Variants in NBAS observed in about 807,000 individuals in gnomAD.
NBAS encodes the protein NBAS subunit of NRZ tethering complex.
Under a neutral mutation model 302.5 loss-of-function variants are expected in NBAS, and 219 were observed. That is an observed-to-expected ratio of 0.72 (90% CI 0.65 to 0.81). The LOEUF is 0.81. Ranked by LOEUF, NBAS falls within the 30% of genes least tolerant of loss-of-function variation. The pLI is 0.00. For missense variants in NBAS, 2,932 were observed against 2,841.6 expected (o/e 1.03, Z -0.72); for synonymous variants, 1,118 against 1,021.6 (o/e 1.09, Z -1.80).
At chr2:15,254,157 T>C (rs983164773) in intron 44 of NBAS, among the ~76,000 whole-genome samples, 8 of 152,126 alleles carry the variant, frequency 5.3e-5, no homozygotes, top group African/African-American at 1.9e-4. Context: ...GTGTTTTGCA[T>C]GTCTGAGATC....
At chr2:15,238,308 C>G (rs1391850788) in intron 45 of NBAS, among the ~76,000 whole-genome samples, 160 bp downstream of exon 45, 1 of 152,140 alleles carries the variant, frequency 6.6e-6, no homozygotes, top group East Asian at 1.9e-4. Context: ...AATTGTCAAT[C>G]AAGTGATCAT....
intron 44 of NBAS, among the ~76,000 whole-genome samples, chr2:15,251,896 A>C (rs534933982): frequency 2.0e-5 from 3 of 152,208 alleles, no homozygotes; most frequent in Admixed American, 2.0e-4. Flanking sequence ...GCCTTATTTC[A>C]CCCAGCTCCT....
chr2:15,367,125 C>T (rs1026494303), intron 31 of NBAS, among the ~76,000 whole-genome samples: 6 of 152,034 alleles, frequency 3.9e-5, no homozygotes, highest in African/African-American at 1.2e-4. Flanking sequence ...CACTCATTAC[C>T]CCAGTTTGGA....
chr2:15,329,269 C>T (rs753553772), intron 36 of NBAS, among the ~76,000 whole-genome samples: 9 of 152,138 alleles, frequency 5.9e-5, no homozygotes, highest in Admixed American at 2.0e-4. Context: ...GATTTAATAG[C>T]GTCTCACTAA....
chr2:15,186,851 G>A lies in NBAS; in HGVS notation c.6602C>T (p.Ala2201Val). 6.2e-7 allele frequency: 1 copy of A among 1,613,876 alleles called. No homozygotes were observed. Among genetic ancestry groups the A allele is most frequent in the Non-Finnish European group, 8.5e-7 (1 of 1,179,924 alleles). Residue 2201 changes from alanine to valine, a missense_variant, in exon 50 of 52, where the codon GCT (alanine) becomes GTT (valine). Physicochemically the swap from Ala to Val is moderately conservative, Grantham distance 64. Coordinates refer to ENST00000281513, the MANE Select transcript of NBAS (RefSeq NM_015909.4). ...CGTACATCTGGTTAGCATCACTGTA[G>A]CTAGTCTCACCCATGGATTATTGGT... ...VITNNPWVRL[A>V]TVMLTRCTME... is the part of the protein sequence containing the mutation.
chr2:15,430,462 C>G lies in NBAS; in HGVS notation c.2340-2668G>C, dbSNP rs1220814162. Reference sequence around the variant, plus strand: ...TCAGTGACAACAATAATCTTTAGCACTGACTGATCTCCTACTATGGACTAG... The same window carrying G: ...TCAGTGACAACAATAATCTTTAGCAGTGACTGATCTCCTACTATGGACTAG... On this transcript the variant is annotated intron_variant, in intron 21 of 51. Transcript: ENST00000281513. Among the ~76,000 whole-genome samples the G allele has an allele frequency of 2.6e-5, 4 of 152,144 alleles. No homozygotes were observed. The East Asian group carries it at 7.7e-4, about 29-fold the overall frequency.
At chr2:15,238,714 G>T in intron 44 of NBAS, 28 bp from the exon 45 acceptor site, 2 of 1,588,412 alleles carry the variant, frequency 1.3e-6, no homozygotes, top group East Asian at 2.2e-5. Flanking sequence ...TGAGACCAAA[G>T]AACCCTGCAT....
the NBAS span, among the ~76,000 whole-genome samples, chr2:15,147,320 G>A: frequency 2.6e-5 from 4 of 152,114 alleles, no homozygotes; most frequent in South Asian, 6.2e-4. Flanking sequence ...TGGGCTGGGC[G>A]TGGTGGCTCA....
At chr2:14,926,326 G>A in the NBAS span, among the ~76,000 whole-genome samples, 203 of 152,210 alleles carry the variant, frequency 1.3e-3, 1 homozygote, top group African/African-American at 4.7e-3. Context: ...CCCTAGAGCA[G>A]TACTTTGCAA....
chr2:14,967,455 A>G, the NBAS span, among the ~76,000 whole-genome samples: 1 of 152,234 alleles, frequency 6.6e-6, no homozygotes, highest in African/African-American at 2.4e-5. Flanking sequence ...ATAGATAAAG[A>G]AAACAGCATA....
intron 21 of NBAS, among the ~76,000 whole-genome samples, chr2:15,449,473 T>A (rs922731039): frequency 1.3e-5 from 2 of 152,094 alleles, no homozygotes; most frequent in African/African-American, 4.8e-5. Context: ...TCTTTAGGAC[T>A]CCCCAGAGTA....
intron 48 of NBAS, among the ~76,000 whole-genome samples, chr2:15,191,186 G>A (rs894413131): frequency 6.6e-6 from 1 of 152,144 alleles, no homozygotes; most frequent in Admixed American, 6.5e-5. Context: ...TCATGATGAT[G>A]AGTTCATAAT....
the NBAS span, among the ~76,000 whole-genome samples, chr2:14,786,628 G>A: frequency 5.3e-5 from 8 of 152,078 alleles, no homozygotes; most frequent in Admixed American, 2.0e-4. Flanking sequence ...GTAGTTGAGC[G>A]GTTTTGAGTG....
chr2:15,277,106 A>C lies in NBAS; in HGVS notation c.5139-5T>G, dbSNP rs1057523077. 1 of 1,613,492 alleles carries C rather than the reference A, an allele frequency of 6.2e-7. No individual in the cohort carries two copies. The highest frequency in any genetic ancestry group is 1.7e-5 in the Admixed American group (1 of 59,940). On this transcript the variant is annotated splice_polypyrimidine_tract_variant and splice_region_variant and intron_variant, in intron 42 of 51. Transcript: ENST00000281513. ...TCAATTTCTAGTGTGGACAAACTGA[A>C]ATTAAGAGCCAAAGGAACTGTGTTA...
the NBAS span, among the ~76,000 whole-genome samples, chr2:15,139,157 C>A: frequency 2.0e-4 from 31 of 152,310 alleles, no homozygotes; most frequent in East Asian, 3.9e-4. Flanking sequence ...CTGACAATGA[C>A]CCCAAGTGTG....
At chr2:15,133,076 T>C in the NBAS span, among the ~76,000 whole-genome samples, 2 of 152,226 alleles carry the variant, frequency 1.3e-5, no homozygotes, top group South Asian at 4.1e-4. Context: ...AAAATTGAGA[T>C]CTATTTAAAT....
intron 21 of NBAS, among the ~76,000 whole-genome samples, chr2:15,452,712 A>C (rs952724143): frequency 4.6e-5 from 7 of 152,196 alleles, no homozygotes; most frequent in Non-Finnish European, 8.8e-5. Flanking sequence ...ATTCGCTCTG[A>C]ATAGGATTGT....
At chr2:15,052,019 G>A in the NBAS span, among the ~76,000 whole-genome samples, 1 of 152,188 alleles carries the variant, frequency 6.6e-6, no homozygotes, top group South Asian at 2.1e-4. Flanking sequence ...ACTTATTATA[G>A]TGACAATGGA....
intron 47 of NBAS, among the ~76,000 whole-genome samples, chr2:15,225,535 C>T (rs73194962): frequency 0.023 from 3,484 of 152,200 alleles, 109 homozygotes; most frequent in African/African-American, 0.076. Flanking sequence ...CTCCTTTTCA[C>T]TTTAAAAACA....
Sources: allele counts gnomAD v4.1 joint callset (sites outside exome capture counted in the v4.1 genomes callset), GRCh38; gene constraint gnomAD v4.1.1; transcripts MANE v1.5; gene names NCBI Gene and HGNC (gene_info 2026-07-23, HGNC 2026-07-21).